ZKSCAN4: variants seen among roughly 807,000 people sequenced by gnomAD.
ZKSCAN4 encodes zinc finger protein with KRAB and SCAN domains 4.
ZKSCAN4 carries 23 observed loss-of-function variants against 30.8 expected under a neutral mutation model. The ratio of observed to expected loss-of-function variants is 0.75; its 90% CI spans 0.54 to 1.06. ZKSCAN4 has a LOEUF of 1.06. ZKSCAN4 is among the 50% of genes least tolerant of loss of function. The pLI is 0.00. For synonymous variants in ZKSCAN4, 208 were observed against 252.5 expected (o/e 0.82, Z 1.67); for missense variants, 556 against 665.4 (o/e 0.84, Z 1.81).
At chr6:28,257,018 A>T (rs1042315375), upstream of ZKSCAN4, among the ~76,000 whole-genome samples, 1 of 152,228 alleles carries the variant, frequency 6.6e-6, no homozygotes, top group Non-Finnish European at 1.5e-5. Context: ...TTGACCTACA[A>T]GGGCAGAACC....
upstream of ZKSCAN4, among the ~76,000 whole-genome samples, chr6:28,256,622 C>T (rs1481358558): frequency 2.6e-5 from 4 of 152,148 alleles, no homozygotes; most frequent in Non-Finnish European, 4.4e-5. Flanking sequence ...TCTTAAAGTT[C>T]TTCAAATATA....
Position 28,245,434 on chromosome 6 carries a change from G to A in ZKSCAN4, c.1320C>T (p.Ala440=), listed in dbSNP as rs1286671562. The change falls in exon 5 of 5, where the codon GCC becomes GCT. Residue 440 remains alanine (A), a synonymous_variant. Coordinates refer to ENST00000377294, the MANE Select transcript of ZKSCAN4 (RefSeq NM_019110.5). Reference sequence around the variant, plus strand: ...TCAGGAGATGTGAATTCCGCCTAAAGGCTTTGCCACACATATTGCACTGGT... The same window carrying A: ...TCAGGAGATGTGAATTCCGCCTAAAAGCTTTGCCACACATATTGCACTGGT... ...KPYQCNMCGK[A]FRRNSHLLRH... is the part of the protein sequence containing the mutation. 1 of 1,614,080 alleles carries A rather than the reference G, an allele frequency of 6.2e-7. No homozygotes were observed. The highest frequency in any genetic ancestry group is 8.5e-7 in the Non-Finnish European group (1 of 1,180,052).
At chr6:28,259,050 G>C in the ZKSCAN4 span, among the ~76,000 whole-genome samples, 1 of 152,170 alleles carries the variant, frequency 6.6e-6, no homozygotes, top group African/African-American at 2.4e-5. Flanking sequence ...TGGTAAAAGC[G>C]AAATCGAAAA....
chr6:28,254,389 G>GTGTTGCCA (rs1761121617), upstream of ZKSCAN4, among the ~76,000 whole-genome samples: 1 of 152,244 alleles, frequency 6.6e-6, no homozygotes, highest in Non-Finnish European at 1.5e-5. Flanking sequence ...ATGGAAAGGG[G>GTGTTGCCA]TGGCAACTTC....
In ZKSCAN4 at chr6:28,244,820, TG is replaced by T. The variant is rs1760630729; in HGVS notation, c.*295del. The T allele has an allele frequency of 2.4e-6, 1 of 422,756 alleles. No homozygotes were observed. The highest frequency in any genetic ancestry group is 4.4e-6 in the Non-Finnish European group (1 of 226,192). The allele number at this position is 422,756 out of a possible 1,614,324, so 26.2% of individuals were successfully genotyped here. ...CAACCAGATGTCCTAAAGTGCTGGCTGAGGGCAATTAACAAGTCCAGAAGGC... is the reference window on the plus strand; with the variant it reads ...CAACCAGATGTCCTAAAGTGCTGGCTAGGGCAATTAACAAGTCCAGAAGGC... On this transcript the variant is annotated 3_prime_UTR_variant, in exon 5 of 5. Transcript: ENST00000377294.
the ZKSCAN4 span, among the ~76,000 whole-genome samples, chr6:28,258,790 G>T: frequency 6.7e-6 from 1 of 149,576 alleles, no homozygotes; most frequent in Non-Finnish European, 1.5e-5. Flanking sequence ...AAAAAAGTAC[G>T]ACTTTGGCCT....
the ZKSCAN4 span, among the ~76,000 whole-genome samples, chr6:28,259,142 A>C: frequency 6.6e-6 from 1 of 152,152 alleles, no homozygotes; most frequent in East Asian, 1.9e-4. Flanking sequence ...CAAGTTGGGG[A>C]ATATAAGTCC....
chr6:28,249,357 C>T lies in ZKSCAN4; in HGVS notation c.571+330G>A, dbSNP rs1197990446. 2.0e-5 allele frequency among the ~76,000 whole-genome samples: 3 copies of T among 152,148 alleles called. No homozygotes were observed. The highest frequency in any genetic ancestry group is 7.2e-5 in the African/African-American group (3 of 41,426). On this transcript the variant is annotated intron_variant, in intron 2 of 4. Transcript: ENST00000377294. This position sits in a 1 kb window ranked among gnomAD's most constrained non-coding sequence, Gnocchi z 4.1. ...TGTAAGCTCCATCAAAGCAAGAATT[C>T]TGTCTTATTGGTGGCTCTCTCCCCA...
At chr6:28,257,766 T>C in the ZKSCAN4 span, among the ~76,000 whole-genome samples, 1 of 152,196 alleles carries the variant, frequency 6.6e-6, no homozygotes, top group Non-Finnish European at 1.5e-5. Context: ...TTTCTAAAGA[T>C]CAAAAATATA....
chr6:28,246,585 G>GT (rs1238172518), intron 4 of ZKSCAN4, among the ~76,000 whole-genome samples: 1 of 152,136 alleles, frequency 6.6e-6, no homozygotes, highest in Non-Finnish European at 1.5e-5. Flanking sequence ...AGGGTCTGTA[G>GT]TTGATGTCTA....
rs1760982172 is a variant in ZKSCAN4 at position 28,251,326 on chromosome 6, T to C, written c.423+232A>G. ...CTTTAATACAAATTTAATTCTTTGCTAACTGTATGTCAATATAGTTGTGTT... is the reference window on the plus strand; with the variant it reads ...CTTTAATACAAATTTAATTCTTTGCCAACTGTATGTCAATATAGTTGTGTT... On this transcript the variant is annotated intron_variant, in intron 1 of 4. Coordinates refer to ENST00000377294, the MANE Select transcript of ZKSCAN4 (RefSeq NM_019110.5). This position sits in a 1 kb window ranked among gnomAD's most constrained non-coding sequence, Gnocchi z 4.5. 9.3e-6 allele frequency: 6 copies of C among 642,290 alleles called. No homozygotes were observed. The highest frequency in any genetic ancestry group is 7.9e-5 in the South Asian group (4 of 50,818). 39.8% of individuals were successfully genotyped at this position (642,290 alleles called of 1,614,324 possible).
rs1760536308 is a variant in ZKSCAN4, at chr6:28,242,625, G to A, written c.*2491C>T. On this transcript the variant is annotated 3_prime_UTR_variant, in exon 5 of 5. Coordinates refer to ENST00000377294, the MANE Select transcript of ZKSCAN4 (RefSeq NM_019110.5). ...ATAATAACAGCTTGCACAGCTGGAAGCATCCTTTTCCTTCTCTGAATTTCT... is the reference window on the plus strand; with the variant it reads ...ATAATAACAGCTTGCACAGCTGGAAACATCCTTTTCCTTCTCTGAATTTCT... Among the ~76,000 whole-genome samples, 1 of 152,164 alleles carries A rather than the reference G, an allele frequency of 6.6e-6. No homozygotes were observed. The highest frequency in any genetic ancestry group is 6.5e-5 in the Admixed American group (1 of 15,270).
the ZKSCAN4 span, among the ~76,000 whole-genome samples, chr6:28,258,255 C>G: frequency 6.6e-6 from 1 of 152,094 alleles, no homozygotes; most frequent in African/African-American, 2.4e-5. Flanking sequence ...TTAGAGAGAA[C>G]CAAGATGATG....
At chr6:28,252,388 G>A (rs1308093099), upstream of ZKSCAN4, among the ~76,000 whole-genome samples, 1 of 152,068 alleles carries the variant, frequency 6.6e-6, no homozygotes, top group Non-Finnish European at 1.5e-5. Context: ...CCACGCAAGG[G>A]AAGGCAGTTA....
rs767330040 is a variant in ZKSCAN4 at position 28,247,005 on chromosome 6, C to T, written c.742G>A (p.Glu248Lys). 3 of 1,612,732 alleles carry T rather than the reference C, an allele frequency of 1.9e-6. No homozygotes were observed. In the South Asian group the frequency reaches 3.3e-5, roughly 18 times the overall value. ...AGGCTGCTATGGTTCTCCTGCTTTT[C>T]ATCTCTGTAGAGGTTCACCTGAGAT... ...DSSQVNLYRD[E>K]KQENHSSLVS... Residue 248 changes from glutamate to lysine, a missense_variant, in exon 4 of 5, where the codon GAA (glutamate) becomes AAA (lysine). By Grantham distance (56) the Glu-to-Lys change is moderately conservative. Around this residue, in one of 3 missense-constraint regions of ZKSCAN4, gnomAD observed 433 missense variants for 511.5 expected, o/e 0.85. Transcript: ENST00000377294.
chr6:28,247,894 G>A (rs1380201191), intron 3 of ZKSCAN4, among the ~76,000 whole-genome samples, 173 bp downstream of exon 3: 1 of 152,226 alleles, frequency 6.6e-6, no homozygotes, highest in Non-Finnish European at 1.5e-5. Context: ...TCTTAGGTGG[G>A]CACCAAAATG....
At chr6:28,246,005 G>A in intron 4 of ZKSCAN4, 30 bp from the exon 5 acceptor site, 1 of 1,614,094 alleles carries the variant, frequency 6.2e-7, no homozygotes, top group Non-Finnish European at 8.5e-7. Context: ...GCAACTGTGG[G>A]TTATGCCCTG....
In ZKSCAN4 at chr6:28,242,618, G is replaced by A. The variant is rs577273822; in HGVS notation, c.*2498C>T. ...TGTCCATATAATAACAGCTTGCACA[G>A]CTGGAAGCATCCTTTTCCTTCTCTG... is the stretch of plus-strand genomic sequence containing the variant. On this transcript the variant is annotated 3_prime_UTR_variant, in exon 5 of 5. Coordinates refer to ENST00000377294, the MANE Select transcript of ZKSCAN4 (RefSeq NM_019110.5). 6.6e-6 allele frequency among the ~76,000 whole-genome samples: 1 copy of A among 152,162 alleles called. No homozygotes were observed. The highest frequency in any genetic ancestry group is 6.5e-5 in the Admixed American group (1 of 15,272).
Position 28,242,165 on chromosome 6 carries a change from A to G in ZKSCAN4, c.*2951T>C, listed in dbSNP as rs1760519786. ...TAAAATTCCTAAAAGCAATTTAAGA[A>G]AATATGAAAAGTGGCATTTTATTGT... On this transcript the variant is annotated 3_prime_UTR_variant, in exon 5 of 5. Coordinates refer to ENST00000377294, the MANE Select transcript of ZKSCAN4 (RefSeq NM_019110.5). 6.6e-6 allele frequency among the ~76,000 whole-genome samples: 1 copy of G among 152,220 alleles called. No individual in the cohort carries two copies. The highest frequency in any genetic ancestry group is 2.1e-4 in the South Asian group (1 of 4,836).
Sources: allele counts gnomAD v4.1 joint callset (sites outside exome capture counted in the v4.1 genomes callset), GRCh38; gene constraint gnomAD v4.1.1; regional missense constraint gnomAD v4.1.1; non-coding constraint Gnocchi (gnomAD v3.1); transcripts MANE v1.5; gene names NCBI Gene and HGNC (gene_info 2026-07-23, HGNC 2026-07-21).